KCNQ3: variants seen among roughly 807,000 people sequenced by gnomAD.
The protein encoded by KCNQ3 is potassium voltage-gated channel subfamily Q member 3, also known as potassium voltage-gated channel subfamily KQT member 3.
In KCNQ3, 30 loss-of-function variants were observed where a neutral mutation model predicts 92.5. The ratio of observed to expected loss-of-function variants is 0.32; its 90% CI spans 0.24 to 0.44. The LOEUF (loss-of-function observed/expected upper bound fraction) is 0.44. Among genes scored for constraint, KCNQ3 ranks in the 20% least tolerant of loss-of-function variants. The pLI is 1.00. For missense variants in KCNQ3, 913 were observed against 1,140.3 expected, an observed-to-expected ratio of 0.80 and a Z score of 2.87; for synonymous variants, 450 against 468.8, an observed-to-expected ratio of 0.96 and a Z score of 0.52.
At chr8:132,370,625 G>A (rs912600759) in intron 1 of KCNQ3, among the ~76,000 whole-genome samples, 5 of 152,190 alleles carry the variant, frequency 3.3e-5, no homozygotes, top group South Asian at 2.1e-4. Flanking sequence ...GCAGAGCAAC[G>A]GGGGAACTCG....
rs187509317 is a variant in KCNQ3, at chr8:132,176,767, A to G, written c.778-1159T>C. Reference sequence around the variant, plus strand: ...ATTTTTCTAGATGTTTGCTCCCCCAATGAAAGATAGAGTTCAGCTGTGGTT... The same window carrying G: ...ATTTTTCTAGATGTTTGCTCCCCCAGTGAAAGATAGAGTTCAGCTGTGGTT... On this transcript the variant is annotated intron_variant, in intron 4 of 14. Transcript: ENST00000388996. Among the ~76,000 whole-genome samples the G allele has an allele frequency of 2.9e-3, 447 of 152,276 alleles. 2 individuals are homozygous for G. The highest frequency in any genetic ancestry group is 7.3e-3 in the South Asian group (35 of 4,822).
intron 1 of KCNQ3, among the ~76,000 whole-genome samples, chr8:132,242,105 T>C (rs1815016435): frequency 6.6e-6 from 1 of 152,154 alleles, no homozygotes; most frequent in Non-Finnish European, 1.5e-5. Context: ...GTTGCATTAG[T>C]GGGAAAGTAA....
intron 1 of KCNQ3, among the ~76,000 whole-genome samples, chr8:132,418,153 T>TACCCACACTGAGTG (rs1394521616): frequency 6.6e-6 from 1 of 152,154 alleles, no homozygotes; most frequent in Non-Finnish European, 1.5e-5. Context: ...AAGAACATAT[T>TACCCACACTGAGTG]ACCCACACTG....
intron 1 of KCNQ3, among the ~76,000 whole-genome samples, chr8:132,343,001 T>C (rs1311791719): frequency 2.0e-5 from 3 of 152,188 alleles, no homozygotes; most frequent in Admixed American, 2.0e-4. Context: ...GGCTAACGTA[T>C]TGGGCATTGT....
At chr8:132,144,271 T>C (rs1441490826) in intron 9 of KCNQ3, among the ~76,000 whole-genome samples, 1 of 152,216 alleles carries the variant, frequency 6.6e-6, no homozygotes, top group Non-Finnish European at 1.5e-5. Flanking sequence ...CCATTGCACC[T>C]AAGAGGCTTA....
intron 1 of KCNQ3, among the ~76,000 whole-genome samples, chr8:132,354,433 G>A (rs1050139033): frequency 2.0e-5 from 3 of 152,152 alleles, no homozygotes; most frequent in Non-Finnish European, 4.4e-5. Context: ...TGGTAAGAAA[G>A]GAATCAAAAC....
intron 1 of KCNQ3, among the ~76,000 whole-genome samples, chr8:132,431,900 G>A (rs1379086504): frequency 6.6e-6 from 1 of 152,078 alleles, no homozygotes; most frequent in African/African-American, 2.4e-5. Flanking sequence ...TCTTTGACTG[G>A]GTCCGGGGGC....
At chr8:132,228,593 T>C (rs966096784) in intron 1 of KCNQ3, among the ~76,000 whole-genome samples, 1 of 152,112 alleles carries the variant, frequency 6.6e-6, no homozygotes, top group African/African-American at 2.4e-5. Flanking sequence ...AATACAGTTT[T>C]AATTTTTATT....
rs147195693 is a variant in KCNQ3, at chr8:132,347,422, C to T, written c.386+132725G>A. 5.2e-3 allele frequency among the ~76,000 whole-genome samples: 796 copies of T among 152,228 alleles called. 10 individuals are homozygous for T. Among genetic ancestry groups the T allele is most frequent in the South Asian group, 0.013 (61 of 4,818 alleles). On this transcript the variant is annotated intron_variant, in intron 1 of 14. Transcript: ENST00000388996. The stretch of plus-strand genomic sequence containing the variant: ...TGCTAATGCTCCCATTCTTGGAATA[C>T]AATAGTGAACAACACGGTTGTGTTC...
At chr8:132,266,840 C>G (rs1815997739) in intron 1 of KCNQ3, among the ~76,000 whole-genome samples, 2 of 152,128 alleles carry the variant, frequency 1.3e-5, no homozygotes. Context: ...AACTTCTGTT[C>G]TAGGGCATGG....
intron 1 of KCNQ3, among the ~76,000 whole-genome samples, chr8:132,312,582 C>A (rs1034847847): frequency 6.6e-6 from 1 of 152,142 alleles, no homozygotes; most frequent in African/African-American, 2.4e-5. Flanking sequence ...CAGATATTAT[C>A]TAGAATTGTA....
chr8:132,343,206 T>C (rs1446288054), intron 1 of KCNQ3, among the ~76,000 whole-genome samples: 2 of 152,262 alleles, frequency 1.3e-5, no homozygotes, highest in African/African-American at 4.8e-5. Flanking sequence ...CTCCATTTCA[T>C]CCATGCACTC....
intron 1 of KCNQ3, among the ~76,000 whole-genome samples, chr8:132,193,549 G>A (rs73708588): frequency 0.012 from 1,801 of 152,306 alleles, 39 homozygotes; most frequent in African/African-American, 0.04. Context: ...TCTCACCCAT[G>A]TCTGGCATCC....
At chr8:132,397,714 C>G (rs57585423) in intron 1 of KCNQ3, among the ~76,000 whole-genome samples, 1 of 152,102 alleles carries the variant, frequency 6.6e-6, no homozygotes, top group Non-Finnish European at 1.5e-5. Context: ...TTTGAAAAGT[C>G]TTTTCCCTTC....
chr8:132,236,308 C>A (rs1814812643), intron 1 of KCNQ3, among the ~76,000 whole-genome samples: 3 of 152,168 alleles, frequency 2.0e-5, no homozygotes, highest in Admixed American at 6.5e-5. Context: ...TGTTTTCCAA[C>A]AATTGCAGCA....
At chr8:132,311,897 A>G (rs1485571526) in intron 1 of KCNQ3, among the ~76,000 whole-genome samples, 1 of 152,186 alleles carries the variant, frequency 6.6e-6, no homozygotes, top group Non-Finnish European at 1.5e-5. Context: ...AGATGTAATT[A>G]GTTAAAGAGG....
At chr8:132,344,380 G>C (rs558785360) in intron 1 of KCNQ3, among the ~76,000 whole-genome samples, 2 of 152,328 alleles carry the variant, frequency 1.3e-5, no homozygotes, top group South Asian at 4.1e-4. Flanking sequence ...GGTGCCATTT[G>C]AGGAAACTGC....
intron 1 of KCNQ3, among the ~76,000 whole-genome samples, chr8:132,205,247 C>T (rs1337791985): frequency 6.6e-6 from 1 of 152,210 alleles, no homozygotes; most frequent in Non-Finnish European, 1.5e-5. Flanking sequence ...GCTTACTTCT[C>T]TTCATTGTAG....
intron 9 of KCNQ3, among the ~76,000 whole-genome samples, chr8:132,157,122 G>A (rs1417164797): frequency 6.6e-6 from 1 of 152,146 alleles, no homozygotes; most frequent in Admixed American, 6.5e-5. Flanking sequence ...CCATTATGTG[G>A]CAATTTGTTA....
Sources: gnomAD v4.1 joint callset for allele counts (sites outside exome capture counted in the v4.1 genomes callset) on GRCh38, gnomAD v4.1.1 for gene constraint, MANE v1.5 for transcripts, NCBI Gene and HGNC (gene_info 2026-07-23, HGNC 2026-07-21) for gene names.